Variants in OXR1 observed in about 807,000 individuals in gnomAD.
OXR1 encodes oxidation resistance 1, also known as oxidation resistance protein 1.
In OXR1, 41 loss-of-function variants were observed where a neutral mutation model predicts 104.6. The observed-to-expected ratio is 0.39, with a 90% confidence interval of 0.31 to 0.51. OXR1 has a LOEUF of 0.51. Among genes scored for constraint, OXR1 ranks in the 20% least tolerant of loss-of-function variants. The pLI, the probability that OXR1 is intolerant of heterozygous loss-of-function variation, is 0.77. For missense variants in OXR1, 955 were observed against 1,031.9 expected (o/e 0.93, Z 1.02); for synonymous variants, 348 against 348.4 (o/e 1.00, Z 0.01).
chr8:106,663,078 C>T (rs1342989645), intron 3 of OXR1, among the ~76,000 whole-genome samples: 1 of 152,114 alleles, frequency 6.6e-6, no homozygotes, highest in Non-Finnish European at 1.5e-5. Context: ...TCAAAAAAAT[C>T]CAAAACACTC....
intron 11 of OXR1, among the ~76,000 whole-genome samples, chr8:106,723,167 C>G (rs752769218): frequency 1.3e-4 from 20 of 151,744 alleles, no homozygotes; most frequent in Non-Finnish European, 2.7e-4. Flanking sequence ...ACCAGCCTGG[C>G]CAATATGGTG....
chr8:106,589,813 T>C (rs1296782646), intron 3 of OXR1, among the ~76,000 whole-genome samples: 1 of 152,062 alleles, frequency 6.6e-6, no homozygotes, highest in Non-Finnish European at 1.5e-5. Flanking sequence ...ATTACAGACA[T>C]ATGCCACCAT....
chr8:106,314,730 C>A (rs554838047), intron 1 of OXR1, among the ~76,000 whole-genome samples: 2 of 152,260 alleles, frequency 1.3e-5, no homozygotes, highest in South Asian at 4.2e-4. Flanking sequence ...CTTCACACAG[C>A]TCCTAACTAC....
intron 2 of OXR1, among the ~76,000 whole-genome samples, chr8:106,457,831 C>T (rs893928097): frequency 1.3e-5 from 2 of 152,026 alleles, no homozygotes; most frequent in Non-Finnish European, 2.9e-5. Flanking sequence ...GAATTGTGTC[C>T]GTGCCTGAGG....
intron 1 of OXR1, among the ~76,000 whole-genome samples, chr8:106,338,573 A>AG (rs1329584137): frequency 1.3e-5 from 2 of 151,626 alleles, no homozygotes; most frequent in African/African-American, 4.8e-5. Flanking sequence ...AGAAAAAAAA[A>AG]AAAAAAAGCA....
rs1186702625 is a variant in OXR1 at position 106,488,197 on chromosome 8, G to GT, written c.24-30740dup. 3.6e-5 allele frequency among the ~76,000 whole-genome samples: 5 copies of GT among 139,214 alleles called. 1 individual carries two copies. Among genetic ancestry groups the GT allele is most frequent in the African/African-American group, 5.6e-5 (2 of 36,026 alleles). 91.3% of individuals were successfully genotyped at this position (139,214 alleles called of 152,430 possible). A position where few individuals can be genotyped will look rare whatever the true frequency, so the allele number is the denominator to read the frequency against. ...AGTGATGATGAGCATTTTTTCATGTGTTTTTTGGCTGCATAAATGTCTTCT... is the reference window on the plus strand; with the variant it reads ...AGTGATGATGAGCATTTTTTCATGTGTTTTTTTGGCTGCATAAATGTCTTCT... On this transcript the variant is annotated intron_variant, in intron 2 of 16. Coordinates refer to ENST00000517566, the MANE Select transcript of OXR1 (RefSeq NM_001198533.2).
intron 1 of OXR1, among the ~76,000 whole-genome samples, chr8:106,349,101 G>A (rs533581475): frequency 6.6e-6 from 1 of 152,216 alleles, no homozygotes; most frequent in African/African-American, 2.4e-5. Flanking sequence ...GAGGATTCAA[G>A]TATTTGCCAA....
At position 106,740,343 on chromosome 8, in the gene OXR1, C is replaced by G. The variant is rs372247285; in HGVS notation, c.2164C>G (p.Leu722Val). Reference sequence around the variant, plus strand: ...AATACTAACACTTTGTTTTCTAAAGCTTACCAAGCATCTTCCACCAAGAAC... The same window carrying G: ...AATACTAACACTTTGTTTTCTAAAGGTTACCAAGCATCTTCCACCAAGAAC... ...ELLLPDQIEK[L>V]TKHLPPRTIG... The change falls in exon 14 of 17, where the codon CTT becomes GTT. Residue 722 changes from leucine to valine, a missense_variant and splice_region_variant. Physicochemically the swap from Leu to Val is conservative, Grantham distance 32. This residue lies in a region of OXR1 where 849 missense variants were observed against 852.9 expected (regional missense o/e 1.00). Transcript: ENST00000517566. The G allele has an allele frequency of 2.5e-5, 40 of 1,608,470 alleles. No homozygotes were observed. Among genetic ancestry groups the G allele is most frequent in the Non-Finnish European group, 3.3e-5 (39 of 1,177,642 alleles).
chr8:106,575,465 C>T (rs1409897141), intron 3 of OXR1, among the ~76,000 whole-genome samples: 1 of 151,932 alleles, frequency 6.6e-6, no homozygotes, highest in Non-Finnish European at 1.5e-5. Flanking sequence ...ACTGATGAGA[C>T]CTCCTATGGT....
intron 3 of OXR1, among the ~76,000 whole-genome samples, chr8:106,606,085 A>C (rs1205118078): frequency 6.6e-6 from 1 of 152,150 alleles, no homozygotes; most frequent in African/African-American, 2.4e-5. Context: ...CAGCATTCTG[A>C]AGTCCAAAAT....
chr8:106,750,937 A>T lies in OXR1; in HGVS notation c.2618A>T (p.Glu873Val), dbSNP rs1484446998. ...CAAGATATTGAAATCTGGGCTTTTGAATAAATAAAATGCTCTCTGTCTTAG... is the reference window on the plus strand; with the variant it reads ...CAAGATATTGAAATCTGGGCTTTTGTATAAATAAAATGCTCTCTGTCTTAG... ...FIQDIEIWAF[E>V] Residue 873 changes from glutamate to valine, a missense_variant, in exon 17 of 17, where the codon GAA (glutamate) becomes GTA (valine). Coordinates refer to ENST00000517566, the MANE Select transcript of OXR1 (RefSeq NM_001198533.2). 6.2e-7 allele frequency: 1 copy of T among 1,600,340 alleles called. No homozygotes were observed. The highest frequency in any genetic ancestry group is 8.5e-7 in the Non-Finnish European group (1 of 1,175,678).
rs559566788 is a variant in OXR1, at chr8:106,742,034, A to G, written c.2317-188A>G. 5.3e-5 allele frequency among the ~76,000 whole-genome samples: 8 copies of G among 152,312 alleles called. No homozygotes were observed. The East Asian group carries it at 7.7e-4, about 15-fold the overall frequency. On this transcript the variant is annotated intron_variant, in intron 14 of 16. Coordinates refer to ENST00000517566, the MANE Select transcript of OXR1 (RefSeq NM_001198533.2). ...AATCTGTATTTCCATTGAAAAACCAATATACTTCATATTTGACAATAATGT... is the reference window on the plus strand; with the variant it reads ...AATCTGTATTTCCATTGAAAAACCAGTATACTTCATATTTGACAATAATGT...
chr8:106,730,787 G>C (rs1248348508), intron 11 of OXR1, among the ~76,000 whole-genome samples: 2 of 151,970 alleles, frequency 1.3e-5, no homozygotes, highest in South Asian at 2.1e-4. Context: ...TGCTAGGCCA[G>C]TGTGGTGACT....
chr8:106,336,979 C>T lies in OXR1; in HGVS notation c.-138-22497C>T, dbSNP rs545475041. On this transcript the variant is annotated intron_variant, in intron 1 of 16. Transcript: ENST00000517566. ...ATATTTAAGCCCTTAGTAAATAAAACTGTACTTATATTTTGCAAATATAAA... is the reference window on the plus strand; with the variant it reads ...ATATTTAAGCCCTTAGTAAATAAAATTGTACTTATATTTTGCAAATATAAA... 3.5e-3 allele frequency among the ~76,000 whole-genome samples: 528 copies of T among 152,286 alleles called. 3 individuals carry two copies. The highest frequency in any genetic ancestry group is 0.012 in the African/African-American group (491 of 41,552).
chr8:106,729,091 T>C (rs1232365151), intron 11 of OXR1, among the ~76,000 whole-genome samples: 1 of 152,146 alleles, frequency 6.6e-6, no homozygotes, highest in African/African-American at 2.4e-5. Context: ...ATGATAAAAA[T>C]AATTACTTGT....
chr8:106,658,398 G>C (rs1389976852), intron 3 of OXR1, among the ~76,000 whole-genome samples: 1 of 152,132 alleles, frequency 6.6e-6, no homozygotes, highest in East Asian at 1.9e-4. Flanking sequence ...CTGCGTGCCA[G>C]CTCTTCCTGC....
chr8:106,389,754 T>C (rs942738029), intron 2 of OXR1, among the ~76,000 whole-genome samples: 2 of 152,186 alleles, frequency 1.3e-5, no homozygotes, highest in African/African-American at 4.8e-5. Context: ...TAGTTTCATT[T>C]GCTCTTGGAT....
intron 3 of OXR1, among the ~76,000 whole-genome samples, chr8:106,676,841 TG>T (rs1168422600): frequency 3.3e-5 from 5 of 152,096 alleles, no homozygotes; most frequent in Non-Finnish European, 7.4e-5. Context: ...AATTTAGAAC[TG>T]TTTTTATAAT....
intron 2 of OXR1, among the ~76,000 whole-genome samples, chr8:106,401,224 G>A (rs756265521): frequency 2.0e-5 from 3 of 152,102 alleles, no homozygotes; most frequent in East Asian, 3.9e-4. Context: ...CGAGAAAGAT[G>A]TCCCTTACCA....
Sources: gnomAD v4.1 joint callset for allele counts (sites outside exome capture counted in the v4.1 genomes callset) on GRCh38, gnomAD v4.1.1 for gene constraint, gnomAD v4.1.1 regional missense constraint, MANE v1.5 for transcripts, NCBI Gene and HGNC (gene_info 2026-07-23, HGNC 2026-07-21) for gene names.